MARK1: variants seen among roughly 807,000 people sequenced by gnomAD.
MARK1 encodes microtubule affinity regulating kinase 1.
A neutral mutation model predicts 96.3 loss-of-function variants in MARK1; 40 were observed. The ratio of observed to expected loss-of-function variants is 0.42; its 90% CI spans 0.32 to 0.54. The LOEUF (loss-of-function observed/expected upper bound fraction) is 0.54, where lower values mean the gene tolerates loss of function less well. MARK1 is among the 20% of genes least tolerant of loss of function. The pLI is 0.16. For missense variants in MARK1, 719 were observed against 984.6 expected, an observed-to-expected ratio of 0.73 and a Z score of 3.61; for synonymous variants, 317 against 341.2, an observed-to-expected ratio of 0.93 and a Z score of 0.78.
intron 3 of MARK1, among the ~76,000 whole-genome samples, chr1:220,593,768 G>T (rs1665148844): frequency 6.6e-6 from 1 of 152,112 alleles, no homozygotes; most frequent in Admixed American, 6.5e-5. Flanking sequence ...GTTCTGAGGG[G>T]ACTACCTGCT....
chr1:220,571,701 G>T (rs1663470602), intron 1 of MARK1: 1 of 152,018 alleles, frequency 6.6e-6, no homozygotes, highest in Non-Finnish European at 1.5e-5. Flanking sequence ...CTATACAGAT[G>T]TAACTGTTCT....
At chr1:220,549,260 T>C (rs1274943483) in intron 1 of MARK1, among the ~76,000 whole-genome samples, 1 of 152,224 alleles carries the variant, frequency 6.6e-6, no homozygotes, top group Admixed American at 6.5e-5. Flanking sequence ...CCTCAGTTTC[T>C]TTACATGTAA....
intron 1 of MARK1, among the ~76,000 whole-genome samples, chr1:220,538,602 G>T (rs1289003368): frequency 1.3e-5 from 2 of 150,972 alleles, no homozygotes; most frequent in Non-Finnish European, 3.0e-5. Context: ...TTCCAATTCT[G>T]TGAAGAAAGT....
At chr1:220,537,056 G>A (rs1479341452) in intron 1 of MARK1, among the ~76,000 whole-genome samples, 1 of 150,232 alleles carries the variant, frequency 6.7e-6, no homozygotes, top group Non-Finnish European at 1.5e-5. Context: ...GTAAACATGT[G>A]GCATAGTTTG....
At chr1:220,591,725 G>A (rs556014028) in intron 3 of MARK1, among the ~76,000 whole-genome samples, 1 of 152,268 alleles carries the variant, frequency 6.6e-6, no homozygotes, top group South Asian at 2.1e-4. Flanking sequence ...ATCTTTTCAT[G>A]TAGGGCCAAA....
rs199502183 is a variant in MARK1, at chr1:220,598,288, G to GT, written c.310-34dup. On this transcript the variant is annotated intron_variant, in intron 3 of 17. Transcript: ENST00000366917. ...ATTTTAATTGGCTCTCTGCTTGCTT[G>GT]TTTTTTTTTAACAGAAATATATCTA... 1,110 of 512,992 alleles carry GT rather than the reference G, an allele frequency of 2.2e-3. 2 individuals are homozygous for GT. Among genetic ancestry groups the GT allele is most frequent in the African/African-American group, 5.8e-3 (278 of 48,290 alleles). The allele number at this position is 512,992 out of a possible 1,614,324, so 31.8% of individuals were successfully genotyped here.
chr1:220,655,980 C>T (rs1221364226), intron 16 of MARK1, among the ~76,000 whole-genome samples: 1 of 152,218 alleles, frequency 6.6e-6, no homozygotes, highest in Non-Finnish European at 1.5e-5. Flanking sequence ...GCTATTCCTT[C>T]TGCCTGGAAT....
At chr1:220,634,361 G>A (rs913022212) in intron 11 of MARK1, among the ~76,000 whole-genome samples, 3 of 152,046 alleles carry the variant, frequency 2.0e-5, no homozygotes, top group Admixed American at 6.6e-5. Flanking sequence ...CCTGAACTTC[G>A]GAGCCAGCTT....
intron 1 of MARK1, among the ~76,000 whole-genome samples, chr1:220,550,351 A>G (rs1244927141): frequency 1.3e-5 from 2 of 152,116 alleles, no homozygotes; most frequent in Admixed American, 1.3e-4. Flanking sequence ...CAGAGTTAGG[A>G]GAAGCTCTTT....
intron 1 of MARK1, among the ~76,000 whole-genome samples, chr1:220,566,284 A>G (rs1487618190): frequency 6.6e-6 from 1 of 152,202 alleles, no homozygotes; most frequent in Admixed American, 6.5e-5. Flanking sequence ...AGCTAGGACA[A>G]AATGGAAGAG....
rs182765495 is a variant in MARK1, at chr1:220,571,298, T to A, written c.52-8056T>A. 3.0e-4 allele frequency among the ~76,000 whole-genome samples: 45 copies of A among 152,260 alleles called. 1 individual carries two copies. The East Asian group carries it at 6.9e-3, about 23-fold the overall frequency. On this transcript the variant is annotated intron_variant, in intron 1 of 17. Coordinates refer to ENST00000366917, the MANE Select transcript of MARK1 (RefSeq NM_018650.5). ...GCGTGACAACTTAAAAGCTCACAGT[T>A]TCATAGAACATGGTTTAAAAAAATA... is the stretch of plus-strand genomic sequence containing the variant.
At chr1:220,580,912 A>C (rs1189835524) in intron 2 of MARK1, among the ~76,000 whole-genome samples, 153 bp from the exon 3 acceptor site, 1 of 152,228 alleles carries the variant, frequency 6.6e-6, no homozygotes, top group Non-Finnish European at 1.5e-5. Context: ...TAAGACTGCC[A>C]AATTATCAAA....
At chr1:220,659,636 A>G (rs907860095) in intron 17 of MARK1, among the ~76,000 whole-genome samples, 3 of 152,192 alleles carry the variant, frequency 2.0e-5, no homozygotes, top group Non-Finnish European at 4.4e-5. Flanking sequence ...TACAATGGAC[A>G]TTATCAGTGG....
intron 5 of MARK1, among the ~76,000 whole-genome samples, chr1:220,600,359 T>C (rs149232832): frequency 1.1e-3 from 175 of 152,340 alleles, no homozygotes; most frequent in African/African-American, 4.1e-3. Context: ...AGTATTGATC[T>C]GTACATTTTA....
At chr1:220,574,285 A>G (rs1572105575) in intron 1 of MARK1, among the ~76,000 whole-genome samples, 1 of 152,250 alleles carries the variant, frequency 6.6e-6, no homozygotes, top group South Asian at 2.1e-4. Context: ...TACCTACTTT[A>G]TTATCTTACA....
rs568378103 is a variant in MARK1 at position 220,622,894 on chromosome 1, T to C, written c.909+4139T>C. On this transcript the variant is annotated intron_variant, in intron 9 of 17. Transcript: ENST00000366917. ...AACAAGACCCTGTCTCCAAATAAGA[T>C]AAAATAAAATAAATGTGCATCTAAG... is the stretch of plus-strand genomic sequence containing the variant. 2.0e-5 allele frequency among the ~76,000 whole-genome samples: 3 copies of C among 152,214 alleles called. No homozygotes were observed. In the South Asian group the frequency reaches 6.2e-4, roughly 32 times the overall value.
rs1304519446 is a variant in MARK1, at chr1:220,598,339, A to T, written c.318A>T (p.Arg106=). The stretch of plus-strand genomic sequence containing the variant: ...CCTGTTTTCTTTAACAGTTATTTCG[A>T]GAAGTACGAATAATGAAGATACTGA... ...LNPTSLQKLF[R]EVRIMKILNH... The change falls in exon 4 of 18, where the codon CGA becomes CGT. Residue 106 remains arginine, a synonymous_variant. Transcript: ENST00000366917. The T allele has an allele frequency of 6.4e-6, 4 of 621,054 alleles. No homozygotes were observed. Among genetic ancestry groups the T allele is most frequent in the Non-Finnish European group, 1.1e-5 (4 of 361,824 alleles). The allele number at this position is 621,054 out of a possible 1,614,324, so 38.5% of individuals were successfully genotyped here.
intron 1 of MARK1, among the ~76,000 whole-genome samples, chr1:220,547,725 C>T (rs181688839): frequency 1.6e-4 from 25 of 152,266 alleles, no homozygotes; most frequent in East Asian, 5.8e-4. Flanking sequence ...CCACCACACC[C>T]GGCTACATTT....
At chr1:220,563,161 A>G (rs1330689831) in intron 1 of MARK1, among the ~76,000 whole-genome samples, 1 of 152,210 alleles carries the variant, frequency 6.6e-6, no homozygotes, top group East Asian at 1.9e-4. Context: ...TCCCAAAGGC[A>G]GCTCCTAACA....
Sources: allele counts gnomAD v4.1 joint callset (sites outside exome capture counted in the v4.1 genomes callset), GRCh38; gene constraint gnomAD v4.1.1; transcripts MANE v1.5; gene names NCBI Gene and HGNC (gene_info 2026-07-23, HGNC 2026-07-21).